PVR: variants seen among roughly 807,000 people sequenced by gnomAD.
The protein encoded by PVR is poliovirus receptor.
Under a neutral mutation model 43.3 loss-of-function variants are expected in PVR, and 39 were observed. The ratio of observed to expected loss-of-function variants is 0.90; its 90% confidence interval spans 0.70 to 1.18. The LOEUF (loss-of-function observed/expected upper bound fraction) is 1.18, where lower values mean the gene tolerates loss of function less well. PVR is among the 50% of genes most tolerant of loss of function. The pLI is 0.00. For missense variants in PVR, 480 were observed against 549.7 expected (o/e 0.87, Z 1.27); for synonymous variants, 224 against 233.2 (o/e 0.96, Z 0.36).
Position 44,663,672 on chromosome 19 carries a change from A to G in PVR, c.*1861A>G, listed in dbSNP as rs1973641019. On this transcript the variant is annotated 3_prime_UTR_variant, in exon 8 of 8. Transcript: ENST00000425690. ...CACCACGTGGGATGGAACCAGAGGC[A>G]TGGAAGCAAGACGCTAAATGAAGAG... The G allele has an allele frequency of 6.6e-6, 1 of 152,172 alleles. No individual in the cohort carries two copies. Among genetic ancestry groups the G allele is most frequent in the African/African-American group, 2.4e-5 (1 of 41,446 alleles). 9.4% of individuals were successfully genotyped at this position (152,172 alleles called of 1,614,324 possible).
chr19:44,662,665 A>T lies in PVR; in HGVS notation c.*854A>T, dbSNP rs2123774421. The T allele has an allele frequency of 6.6e-6, 1 of 152,444 alleles. No homozygotes were observed. The highest frequency in any genetic ancestry group is 2.1e-4 in the South Asian group (1 of 4,822). 9.4% of individuals were successfully genotyped at this position (152,444 alleles called of 1,614,324 possible). A position where few individuals can be genotyped will look rare whatever the true frequency, so the allele number is the denominator to read the frequency against. ...ACTCCAAGATCAGCTACCAGGCAGGATATTCCAAGGGCTTAGAGATGAATG... is the reference window on the plus strand; with the variant it reads ...ACTCCAAGATCAGCTACCAGGCAGGTTATTCCAAGGGCTTAGAGATGAATG... On this transcript the variant is annotated 3_prime_UTR_variant, in exon 8 of 8. Transcript: ENST00000425690.
Position 44,650,120 on chromosome 19 carries a change from G to A in PVR, c.724+15G>A. 1 of 1,509,866 alleles carries A rather than the reference G, an allele frequency of 6.6e-7. No homozygotes were observed. Among genetic ancestry groups the A allele is most frequent in the Non-Finnish European group, 8.9e-7 (1 of 1,128,608 alleles). 93.5% of individuals were successfully genotyped at this position (1,509,866 alleles called of 1,614,324 possible). On this transcript the variant is annotated intron_variant, in intron 3 of 7. Coordinates refer to ENST00000425690, the MANE Select transcript of PVR (RefSeq NM_006505.5). ...CACCGTGTACTGTGAGTGTGCCCAA[G>A]TCAGCGATGGCAAGAACCCCTGCCG...
At chr19:44,656,287 T>C (rs1427113878) in intron 4 of PVR, among the ~76,000 whole-genome samples, 1 of 152,218 alleles carries the variant, frequency 6.6e-6, no homozygotes, top group Non-Finnish European at 1.5e-5. Flanking sequence ...GCCATGGTGG[T>C]GTCCATCCCC....
chr19:44,659,034 C>A, intron 6 of PVR, 134 bp downstream of exon 6: 1 of 769,094 alleles, frequency 1.3e-6, no homozygotes, highest in Non-Finnish European at 2.1e-6. Flanking sequence ...GGGTGCAGAG[C>A]CAGGGAGCCT....
At chr19:44,655,261 A>T (rs1052751119) in intron 4 of PVR, among the ~76,000 whole-genome samples, 8 of 151,172 alleles carry the variant, frequency 5.3e-5, no homozygotes, top group African/African-American at 1.9e-4. Context: ...ATTTTGTTGT[A>T]TTTTTTTTGC....
chr19:44,653,512 G>A (rs1973340159), intron 3 of PVR, among the ~76,000 whole-genome samples: 1 of 152,210 alleles, frequency 6.6e-6, no homozygotes, highest in South Asian at 2.1e-4. Flanking sequence ...CAGCAGCCTA[G>A]AGCAGGGTTA....
chr19:44,656,030 T>C (rs1000311658), intron 4 of PVR, among the ~76,000 whole-genome samples: 1 of 151,922 alleles, frequency 6.6e-6, no homozygotes, highest in African/African-American at 2.4e-5. Context: ...CCACCACGCC[T>C]GGCTAACCTG....
rs1424155198 is a variant in PVR at position 44,650,709 on chromosome 19, C to T, written c.724+604C>T. ...TCCCAAATAGCTGGGATTAAAGGTG[C>T]ACACCACCACACCTGGCTAATTTTT... is the stretch of plus-strand genomic sequence containing the variant. On this transcript the variant is annotated intron_variant, in intron 3 of 7. Transcript: ENST00000425690. Among the ~76,000 whole-genome samples, 5 of 151,828 alleles carry T rather than the reference C, an allele frequency of 3.3e-5. No individual in the cohort carries two copies. The East Asian group carries it at 9.7e-4, about 29-fold the overall frequency.
At position 44,644,081 on chromosome 19, in the gene PVR, G is replaced by C. The variant is rs763793816; in HGVS notation, c.-16G>C. The C allele has an allele frequency of 1.3e-6, 2 of 1,507,000 alleles. No homozygotes were observed. Among genetic ancestry groups the C allele is most frequent in the African/African-American group, 2.9e-5 (2 of 69,320 alleles). The allele number at this position is 1,507,000 out of a possible 1,614,324, so 93.4% of individuals were successfully genotyped here. On this transcript the variant is annotated 5_prime_UTR_variant, in exon 1 of 8. Transcript: ENST00000425690. ...GGAGACGCCCGCGGGAGGCCCAGCT[G>C]CTCGGAGCAACTGGCATGGCCCGAG...
At chr19:44,645,516 T>G (rs530709356) in intron 1 of PVR, among the ~76,000 whole-genome samples, 3 of 144,148 alleles carry the variant, frequency 2.1e-5, no homozygotes, top group Non-Finnish European at 4.5e-5. Flanking sequence ...CAGGCTGGAG[T>G]GCAGTGGTAC....
At chr19:44,644,861 A>G (rs1272966646) in intron 1 of PVR, among the ~76,000 whole-genome samples, 2 of 147,330 alleles carry the variant, frequency 1.4e-5, no homozygotes, top group Non-Finnish European at 3.0e-5. Context: ...GATTACAGAC[A>G]TGTGCCACTA....
intron 1 of PVR, among the ~76,000 whole-genome samples, chr19:44,646,670 G>A (rs946088940): frequency 2.0e-5 from 3 of 152,174 alleles, no homozygotes; most frequent in Non-Finnish European, 4.4e-5. Flanking sequence ...TACGCGGAAA[G>A]CTGAGGCAGG....
chr19:44,650,478 A>T (rs980476724), intron 3 of PVR, among the ~76,000 whole-genome samples: 1 of 147,638 alleles, frequency 6.8e-6, no homozygotes, highest in African/African-American at 2.5e-5. Flanking sequence ...CCCTCCCCAC[A>T]TTGCTACACT....
chr19:44,662,227 A>ACC lies in PVR; in HGVS notation c.*416_*417insCC. 7.8e-5 allele frequency: 15 copies of ACC among 191,168 alleles called. No individual in the cohort carries two copies. Among genetic ancestry groups the ACC allele is most frequent in the South Asian group, 6.0e-4 (5 of 8,302 alleles). 11.8% of individuals were successfully genotyped at this position (191,168 alleles called of 1,614,324 possible). The stretch of plus-strand genomic sequence containing the variant: ...AGAAGTACTGCCAATACTGCCAACC[A>ACC]GAGCAGCTCACTCGAGATCTTTGTG... On this transcript the variant is annotated 3_prime_UTR_variant, in exon 8 of 8. Transcript: ENST00000425690.
At chr19:44,656,394 G>A (rs148952327) in intron 4 of PVR, among the ~76,000 whole-genome samples, 2,331 of 152,304 alleles carry the variant, frequency 0.015, 61 homozygotes, top group African/African-American at 0.053. Context: ...TCAAAGCACC[G>A]CAATTCAGGC....
At position 44,662,105 on chromosome 19, in the gene PVR, G is replaced by A. The variant is rs367563819; in HGVS notation, c.*294G>A. On this transcript the variant is annotated 3_prime_UTR_variant, in exon 8 of 8. Transcript: ENST00000425690. ...CAAAGGGAGGAGGTGCACAGCACAC[G>A]TTCCACGACAGATGAGGCGACGGCT... 9 of 402,070 alleles carry A rather than the reference G, an allele frequency of 2.2e-5. No individual in the cohort carries two copies. The highest frequency in any genetic ancestry group is 2.1e-4 in the Admixed American group (6 of 28,308). The allele number at this position is 402,070 out of a possible 1,614,324, so 24.9% of individuals were successfully genotyped here.
chr19:44,655,021 G>C (rs1179996669), intron 4 of PVR, among the ~76,000 whole-genome samples: 3 of 152,088 alleles, frequency 2.0e-5, no homozygotes, highest in African/African-American at 7.2e-5. Context: ...AGCAAGGTAA[G>C]AAAAAGGCAA....
intron 4 of PVR, among the ~76,000 whole-genome samples, chr19:44,656,283 G>C (rs941266046): frequency 6.6e-6 from 1 of 152,170 alleles, no homozygotes; most frequent in Non-Finnish European, 1.5e-5. Context: ...AAATGCCATG[G>C]TGGTGTCCAT....
At chr19:44,658,009 C>T (rs1005264790) in intron 5 of PVR, 99 bp downstream of exon 5, 3 of 1,334,414 alleles carry the variant, frequency 2.2e-6, no homozygotes. Context: ...TCTCCTAAGC[C>T]TTCTCACAAA....
Sources: gnomAD v4.1 joint callset for allele counts (sites outside exome capture counted in the v4.1 genomes callset) on GRCh38, gnomAD v4.1.1 for gene constraint, MANE v1.5 for transcripts, NCBI Gene and HGNC (gene_info 2026-07-23, HGNC 2026-07-21) for gene names.